Variants in ANKS1B observed in about 807,000 individuals in gnomAD.
ANKS1B encodes the protein ankyrin repeat and sterile alpha motif domain containing 1B, also known as ankyrin repeat and sterile alpha motif domain-containing protein 1B.
A neutral mutation model predicts 148.3 loss-of-function variants in ANKS1B; 36 were observed. The ratio of observed to expected loss-of-function variants is 0.24; its 90% CI spans 0.19 to 0.32. ANKS1B has a LOEUF of 0.32. ANKS1B is among the 10% of genes least tolerant of loss of function. ANKS1B has a pLI of 1.00. For synonymous variants in ANKS1B, 542 were observed against 560.8 expected (o/e 0.97, Z 0.47); for missense variants, 1,157 against 1,542.6 (o/e 0.75, Z 4.19).
chr12:98,985,682 G>A (rs1440780081), intron 17 of ANKS1B, among the ~76,000 whole-genome samples: 1 of 151,678 alleles, frequency 6.6e-6, no homozygotes, highest in African/African-American at 2.4e-5. Context: ...TGATACTATT[G>A]TCTTTCATTT....
chr12:99,810,384 C>T (rs1310123526), intron 3 of ANKS1B, among the ~76,000 whole-genome samples: 4 of 151,748 alleles, frequency 2.6e-5, no homozygotes, highest in African/African-American at 7.3e-5. Context: ...CAAGAAGATT[C>T]TGTCCTATTC....
At chr12:99,177,461 C>A (rs960317889) in intron 14 of ANKS1B, among the ~76,000 whole-genome samples, 1 of 152,140 alleles carries the variant, frequency 6.6e-6, no homozygotes, top group Non-Finnish European at 1.5e-5. Context: ...GCCGCTGGTA[C>A]AAAATGTTTG....
At chr12:99,687,293 T>C (rs2098655131) in intron 8 of ANKS1B, among the ~76,000 whole-genome samples, 1 of 152,184 alleles carries the variant, frequency 6.6e-6, no homozygotes, top group Non-Finnish European at 1.5e-5. Flanking sequence ...TCAATAATTT[T>C]ATTTTAAATA....
intron 8 of ANKS1B, among the ~76,000 whole-genome samples, chr12:99,707,405 A>G (rs1392181133): frequency 6.6e-6 from 1 of 152,096 alleles, no homozygotes; most frequent in African/African-American, 2.4e-5. Flanking sequence ...GTCACCCAAG[A>G]GGTAAAGTAA....
At chr12:99,118,237 G>T (rs956348957) in intron 15 of ANKS1B, among the ~76,000 whole-genome samples, 1 of 152,132 alleles carries the variant, frequency 6.6e-6, no homozygotes, top group Non-Finnish European at 1.5e-5. Context: ...TGATCTAGTG[G>T]TTGTTGGGAA....
intron 19 of ANKS1B, among the ~76,000 whole-genome samples, chr12:98,816,682 C>CATGA (rs1394130868): frequency 6.6e-6 from 1 of 152,194 alleles, no homozygotes; most frequent in Non-Finnish European, 1.5e-5. Flanking sequence ...AGTTACTGGT[C>CATGA]ATCTACTGTG....
chr12:99,567,512 A>G (rs2097408439), intron 9 of ANKS1B, among the ~76,000 whole-genome samples: 1 of 152,154 alleles, frequency 6.6e-6, no homozygotes, highest in South Asian at 2.1e-4. Flanking sequence ...AAATACATCC[A>G]TATGGTTGTG....
At chr12:99,938,104 T>C (rs1566039471) in intron 1 of ANKS1B, among the ~76,000 whole-genome samples, 1 of 152,120 alleles carries the variant, frequency 6.6e-6, no homozygotes, top group Non-Finnish European at 1.5e-5. Flanking sequence ...ACACGACAGA[T>C]GGGATACATG....
intron 12 of ANKS1B, among the ~76,000 whole-genome samples, chr12:99,396,266 T>A (rs535889199): frequency 6.6e-6 from 1 of 152,190 alleles, no homozygotes. Context: ...AAATCAGTGA[T>A]GGAACTGACT....
In ANKS1B at chr12:99,971,693, G is replaced by A. The variant is rs141712159; in HGVS notation, c.134+12411C>T. Among the ~76,000 whole-genome samples, 281 of 151,698 alleles carry A rather than the reference G, an allele frequency of 1.9e-3. 8 individuals carry two copies. The East Asian group carries it at 0.04, about 22-fold the overall frequency. On this transcript the variant is annotated intron_variant, in intron 1 of 26. Transcript: ENST00000683438. The stretch of plus-strand genomic sequence containing the variant: ...GAACTTCAAATGCTTTCCCTGTACC[G>A]TAAAACATAAGTTTTAGGAATAACC...
Position 99,762,047 on chromosome 12 carries a change from A to G in ANKS1B, c.1128+10875T>C, listed in dbSNP as rs193256553. Among the ~76,000 whole-genome samples the G allele has an allele frequency of 1.2e-3, 184 of 152,198 alleles. 1 individual carries two copies. The highest frequency in any genetic ancestry group is 4.4e-3 in the African/African-American group (183 of 41,558). ...AACCCACTGTTCAAAGAAATCAGAG[A>G]TGATACAAAGAAATGGAAAAACATG... On this transcript the variant is annotated intron_variant, in intron 8 of 26. Coordinates refer to ENST00000683438, the MANE Select transcript of ANKS1B (RefSeq NM_001352186.2).
intron 11 of ANKS1B, among the ~76,000 whole-genome samples, chr12:99,410,317 C>T (rs982743814): frequency 2.0e-5 from 3 of 150,722 alleles, no homozygotes; most frequent in Non-Finnish European, 4.4e-5. Context: ...GAAGACTTAA[C>T]TATTTTACTC....
At chr12:98,891,403 T>C (rs900622668) in intron 17 of ANKS1B, among the ~76,000 whole-genome samples, 3 of 152,172 alleles carry the variant, frequency 2.0e-5, no homozygotes, top group Non-Finnish European at 2.9e-5. Flanking sequence ...CTTAATCATA[T>C]ATTTGACTTC....
chr12:99,217,386 T>C (rs759941933), intron 14 of ANKS1B, among the ~76,000 whole-genome samples: 2 of 152,002 alleles, frequency 1.3e-5, no homozygotes, highest in Admixed American at 1.3e-4. Flanking sequence ...GAATGGTGTC[T>C]TGCCCTAAAG....
At chr12:99,305,376 T>C (rs897376367) in intron 12 of ANKS1B, among the ~76,000 whole-genome samples, 27 of 152,172 alleles carry the variant, frequency 1.8e-4, no homozygotes, top group Non-Finnish European at 1.0e-4. Flanking sequence ...CATAATTATC[T>C]GACTCATGTC....
intron 12 of ANKS1B, among the ~76,000 whole-genome samples, chr12:99,271,523 T>A (rs1366113449): frequency 6.6e-6 from 1 of 151,738 alleles, no homozygotes; most frequent in Non-Finnish European, 1.5e-5. Flanking sequence ...TAGGACCTAT[T>A]CTGAATAGGT....
intron 17 of ANKS1B, among the ~76,000 whole-genome samples, chr12:98,840,695 T>C (rs955488674): frequency 1.3e-5 from 2 of 152,184 alleles, no homozygotes; most frequent in African/African-American, 4.8e-5. Flanking sequence ...GCTCTCTGAA[T>C]TACCTCTTGA....
At position 99,498,026 on chromosome 12, in the gene ANKS1B, A is replaced by C. The variant is rs958716285; in HGVS notation, c.1438+6450T>G. On this transcript the variant is annotated intron_variant, in intron 10 of 26. Coordinates refer to ENST00000683438, the MANE Select transcript of ANKS1B (RefSeq NM_001352186.2). Reference sequence around the variant, plus strand: ...AATTTCCTTGACCCCTTATTGTCCAAGTGTCAGCATTCTCAAGATGAGAAG... The same window carrying C: ...AATTTCCTTGACCCCTTATTGTCCACGTGTCAGCATTCTCAAGATGAGAAG... 2.0e-5 allele frequency among the ~76,000 whole-genome samples: 3 copies of C among 152,140 alleles called. No individual in the cohort carries two copies. In the South Asian group the frequency reaches 6.2e-4, roughly 32 times the overall value.
intron 17 of ANKS1B, among the ~76,000 whole-genome samples, chr12:98,917,156 TC>T (rs966336781): frequency 6.6e-6 from 1 of 152,166 alleles, no homozygotes; most frequent in Non-Finnish European, 1.5e-5. Flanking sequence ...AGACAGGGTC[TC>T]ACTATGCCAC....
Sources: allele counts gnomAD v4.1 joint callset (sites outside exome capture counted in the v4.1 genomes callset), GRCh38; gene constraint gnomAD v4.1.1; transcripts MANE v1.5; gene names NCBI Gene and HGNC (gene_info 2026-07-23, HGNC 2026-07-21).